ROCK2: variants seen among roughly 807,000 people sequenced by gnomAD.
The protein encoded by ROCK2 is Rho associated coiled-coil containing protein kinase 2, also known as rho-associated protein kinase 2.
In ROCK2, 61 loss-of-function variants were observed where a neutral mutation model predicts 195.1. That is an observed-to-expected ratio of 0.31 (90% confidence interval 0.25 to 0.39). The LOEUF (loss-of-function observed/expected upper bound fraction) is 0.39. ROCK2 is among the 10% of genes least tolerant of loss of function. ROCK2 has a pLI of 1.00. For missense variants in ROCK2, 1,109 were observed against 1,637.4 expected, an observed-to-expected ratio of 0.68 and a Z score of 5.57; for synonymous variants, 504 against 545.5, an observed-to-expected ratio of 0.92 and a Z score of 1.06.
intron 3 of ROCK2, among the ~76,000 whole-genome samples, chr2:11,250,213 C>T (rs1050356454): frequency 2.6e-5 from 4 of 152,058 alleles, no homozygotes; most frequent in South Asian, 2.1e-4. Context: ...ACTATCTGCC[C>T]GTAAGAACCT....
At chr2:11,320,971 C>T (rs1439987192) in intron 1 of ROCK2, among the ~76,000 whole-genome samples, 1 of 152,154 alleles carries the variant, frequency 6.6e-6, no homozygotes, top group Non-Finnish European at 1.5e-5. Flanking sequence ...AACATATCTA[C>T]ATGAGACTAC....
intron 1 of ROCK2, among the ~76,000 whole-genome samples, chr2:11,309,588 C>A (rs1014413212): frequency 6.6e-6 from 1 of 152,080 alleles, no homozygotes; most frequent in African/African-American, 2.4e-5. Context: ...TTATTTCAGT[C>A]CCCATCTCCA....
At chr2:11,255,974 G>C (rs1404081805) in intron 3 of ROCK2, among the ~76,000 whole-genome samples, 10 of 141,906 alleles carry the variant, frequency 7.0e-5, no homozygotes, top group Admixed American at 2.1e-4. Flanking sequence ...ATGGAAGTCA[G>C]TGAACTTCAA....
chr2:11,184,536 C>T (rs1264207192), intron 32 of ROCK2: 12 of 683,078 alleles, frequency 1.8e-5, no homozygotes, highest in East Asian at 2.7e-4. Flanking sequence ...AGCAACTTTT[C>T]GAAAACTACT....
chr2:11,209,985 A>G (rs1355947287), intron 18 of ROCK2, among the ~76,000 whole-genome samples: 2 of 152,230 alleles, frequency 1.3e-5, no homozygotes, highest in Non-Finnish European at 2.9e-5. Flanking sequence ...AAATAACTAG[A>G]CAAGGTCACA....
chr2:11,215,356 T>C lies in ROCK2; in HGVS notation c.1654A>G (p.Ile552Val), dbSNP rs773097695. 1.2e-6 allele frequency: 2 copies of C among 1,607,426 alleles called. No homozygotes were observed. The highest frequency in any genetic ancestry group is 2.2e-5 in the South Asian group (2 of 89,666). The stretch of plus-strand genomic sequence containing the variant: ...AGTTGATTCACTTTCTCAGTGGATA[T>C]TTGAGAGTTTTGATTTCTTTTTTTC... ...DLKKRNQNSQ[I>V]STEKVNQLQR... Residue 552 changes from isoleucine (I) to valine (V), a missense_variant, in exon 15 of 33, where the codon ATA becomes GTA. Coordinates refer to ENST00000315872, the MANE Select transcript of ROCK2 (RefSeq NM_004850.5).
intron 3 of ROCK2, among the ~76,000 whole-genome samples, chr2:11,274,230 G>A (rs1666749087): frequency 6.6e-6 from 1 of 151,654 alleles, no homozygotes; most frequent in Admixed American, 6.6e-5. Context: ...TAAACCCAAA[G>A]CCATCAGAAG....
chr2:11,215,080 C>T lies in ROCK2; in HGVS notation c.1696G>A (p.Glu566Lys). Reference sequence around the variant, plus strand: ...TCTGTTCGCAGTAAAGCATTGGTTTCATCCAGCTGTTATTCCATTCAAAAC... The same window carrying T: ...TCTGTTCGCAGTAAAGCATTGGTTTTATCCAGCTGTTATTCCATTCAAAAC... ...KVNQLQRQLD[E>K]TNALLRTESD... is the part of the protein sequence containing the mutation. Residue 566 changes from glutamate to lysine, a missense_variant, in exon 16 of 33, where the codon GAA becomes AAA. Around this residue, in one of 6 missense-constraint regions of ROCK2, gnomAD observed 542 missense variants for 672.0 expected, o/e 0.81. Transcript: ENST00000315872. 1 of 1,614,042 alleles carries T rather than the reference C, an allele frequency of 6.2e-7. No homozygotes were observed. The highest frequency in any genetic ancestry group is 8.5e-7 in the Non-Finnish European group (1 of 1,179,956).
rs1374211687 is a variant in ROCK2 at position 11,216,076 on chromosome 2, T to TA, written c.1461+81dup. 4.7e-6 allele frequency: 5 copies of TA among 1,063,692 alleles called. No individual in the cohort carries two copies. In the Admixed American group the frequency reaches 8.6e-5, roughly 18 times the overall value. The allele number at this position is 1,063,692 out of a possible 1,614,324, so 65.9% of individuals were successfully genotyped here. A position where few individuals can be genotyped will look rare whatever the true frequency, so the allele number is the denominator to read the frequency against. On this transcript the variant is annotated intron_variant, in intron 13 of 32. Transcript: ENST00000315872. ...GGTTTCAAGGCACGTATTACTATGG[T>TA]ACCAAGAGAGCTCCTTAGGTAAGTC... is the stretch of plus-strand genomic sequence containing the variant.
intron 1 of ROCK2, among the ~76,000 whole-genome samples, chr2:11,325,646 T>C (rs1445532384): frequency 6.6e-6 from 1 of 152,204 alleles, no homozygotes; most frequent in Non-Finnish European, 1.5e-5. Flanking sequence ...TTGTGGGAAA[T>C]AATTAGCAAT....
chr2:11,203,439 T>C (rs1663936576), intron 20 of ROCK2, among the ~76,000 whole-genome samples: 1 of 151,878 alleles, frequency 6.6e-6, no homozygotes, highest in Admixed American at 6.6e-5. Flanking sequence ...GAGAGGAAAA[T>C]GTCTGCATTC....
At chr2:11,311,727 CTAAAA>C (rs1003851171) in intron 1 of ROCK2, among the ~76,000 whole-genome samples, 1 of 151,992 alleles carries the variant, frequency 6.6e-6, no homozygotes, top group Admixed American at 6.6e-5. Context: ...GATGATAAAA[CTAAAA>C]TATCATAAAA....
intron 4 of ROCK2, among the ~76,000 whole-genome samples, chr2:11,248,708 C>CAAAAAAAAAAAAAAAAAAAAA (rs70953372): frequency 4.4e-4 from 20 of 45,416 alleles, no homozygotes; most frequent in African/African-American, 1.4e-3. Context: ...GACTTCATCT[C>CAAAAAAAAAAAAAAAAAAAAA]AAAAAAAAAA....
Position 11,211,671 on chromosome 2 carries a change from A to C in ROCK2, c.2203+10T>G. 1 of 1,577,602 alleles carries C rather than the reference A, an allele frequency of 6.3e-7. No homozygotes were observed. ...ACGCTGCTGGAAAACCCTCTTTAAA[A>C]AATGCATACCTTTCATGGCTTCTGA... On this transcript the variant is annotated intron_variant, in intron 18 of 32. Transcript: ENST00000315872.
chr2:11,187,515 A>T (rs1038474615), intron 32 of ROCK2, among the ~76,000 whole-genome samples: 2 of 152,220 alleles, frequency 1.3e-5, no homozygotes, highest in Admixed American at 6.5e-5. Context: ...GGACTACTGT[A>T]ATCAGGCTGA....
intron 3 of ROCK2, among the ~76,000 whole-genome samples, chr2:11,271,939 GA>G (rs139415893): frequency 0.043 from 6,395 of 150,028 alleles, 268 homozygotes; most frequent in Non-Finnish European, 0.06. Flanking sequence ...AGAATGGCGT[GA>G]ACCCGACAGG....
chr2:11,207,168 A>G (rs1664083692), intron 20 of ROCK2, among the ~76,000 whole-genome samples: 1 of 152,156 alleles, frequency 6.6e-6, no homozygotes, highest in Non-Finnish European at 1.5e-5. Context: ...ATCACAGTGC[A>G]AAGCAATCTC....
At position 11,197,682 on chromosome 2, in the gene ROCK2, G is replaced by A; in HGVS notation, c.3123C>T (p.Ile1041=). Residue 1041 remains isoleucine, a synonymous_variant, in exon 26 of 33, where the codon ATC becomes ATT. Coordinates refer to ENST00000315872, the MANE Select transcript of ROCK2 (RefSeq NM_004850.5). This position sits in a 1 kb window ranked among gnomAD's most constrained non-coding sequence, Gnocchi z 4.9. Reference sequence around the variant, plus strand: ...GCTTGACAGGTTCTTTTCGATTCATGATCTCAGCCAACTTATTCACAGCCT... The same window carrying A: ...GCTTGACAGGTTCTTTTCGATTCATAATCTCAGCCAACTTATTCACAGCCT... ...KTQAVNKLAE[I]MNRKEPVKRG... 6.3e-7 allele frequency: 1 copy of A among 1,588,742 alleles called. No homozygotes were observed. The highest frequency in any genetic ancestry group is 8.6e-7 in the Non-Finnish European group (1 of 1,168,634).
intron 3 of ROCK2, among the ~76,000 whole-genome samples, chr2:11,255,077 CAT>C (rs1665976739): frequency 6.7e-6 from 1 of 149,714 alleles, no homozygotes; most frequent in South Asian, 2.1e-4. Flanking sequence ...ATTAGCCAGG[CAT>C]GGTGGCGGGC....
Sources: gnomAD v4.1 joint callset for allele counts (sites outside exome capture counted in the v4.1 genomes callset) on GRCh38, gnomAD v4.1.1 for gene constraint, gnomAD v4.1.1 regional missense constraint, Gnocchi (gnomAD v3.1) non-coding constraint, MANE v1.5 for transcripts, NCBI Gene and HGNC (gene_info 2026-07-23, HGNC 2026-07-21) for gene names.